The following CHRM5 variants were observed in gnomAD, a reference collection of about 807,000 sequenced individuals.
CHRM5 encodes the protein cholinergic receptor muscarinic 5.
Under a neutral mutation model 39.0 loss-of-function variants are expected in CHRM5, and 18 were observed. The observed-to-expected ratio is 0.46, with a 90% CI of 0.32 to 0.68. The LOEUF is 0.68. Ranked by LOEUF, CHRM5 falls within the 30% of genes least tolerant of loss-of-function variation. The pLI, the probability that CHRM5 is intolerant of heterozygous loss-of-function variation, is 0.04. For missense variants in CHRM5, 515 were observed against 651.1 expected (o/e 0.79, Z 2.28); for synonymous variants, 241 against 246.3 (o/e 0.98, Z 0.20).
chr15:34,064,418 C>T lies in CHRM5; in HGVS notation c.*102C>T. 2 of 1,361,008 alleles carry T rather than the reference C, an allele frequency of 1.5e-6. No individual in the cohort carries two copies. Among genetic ancestry groups the T allele is most frequent in the Non-Finnish European group, 2.0e-6 (2 of 1,018,676 alleles). The allele number at this position is 1,361,008 out of a possible 1,614,324, so 84.3% of individuals were successfully genotyped here. A position where few individuals can be genotyped will look rare whatever the true frequency, so the allele number is the denominator to read the frequency against. On this transcript the variant is annotated 3_prime_UTR_variant, in exon 3 of 3. Coordinates refer to ENST00000383263, the MANE Select transcript of CHRM5 (RefSeq NM_012125.4). ...GTATATTTTCAAAAAGAAGACATCT[C>T]ATTTTGAGTCCTTGAAGATTTTTGT...
intron 1 of CHRM5, among the ~76,000 whole-genome samples, chr15:33,988,438 T>G (rs1314173967): frequency 6.6e-6 from 1 of 152,190 alleles, no homozygotes; most frequent in Non-Finnish European, 1.5e-5. Flanking sequence ...ATAGAGATAA[T>G]GAAACCTACC....
At chr15:33,980,727 C>A (rs1266584598) in intron 1 of CHRM5, among the ~76,000 whole-genome samples, 2 of 152,124 alleles carry the variant, frequency 1.3e-5, no homozygotes, top group Admixed American at 6.6e-5. Flanking sequence ...CACGGAGAAC[C>A]CCAAATTACT....
intron 1 of CHRM5, among the ~76,000 whole-genome samples, chr15:33,979,279 T>C (rs1321345531): frequency 6.6e-6 from 1 of 152,114 alleles, no homozygotes; most frequent in Non-Finnish European, 1.5e-5. Context: ...CCCAGCACTT[T>C]GGGAGGCCAA....
intron 1 of CHRM5, among the ~76,000 whole-genome samples, chr15:34,025,855 C>G (rs1040998045): frequency 9.2e-5 from 14 of 152,096 alleles, no homozygotes; most frequent in African/African-American, 3.1e-4. Context: ...GATCATCTTG[C>G]CCCACAAAGC....
intron 1 of CHRM5, among the ~76,000 whole-genome samples, chr15:33,990,072 T>C (rs2140564546): frequency 6.6e-6 from 1 of 151,822 alleles, no homozygotes; most frequent in African/African-American, 2.4e-5. Flanking sequence ...GGCGTGGTGG[T>C]GGGCGCCTAT....
At chr15:34,008,242 A>G (rs1897450890) in intron 1 of CHRM5, among the ~76,000 whole-genome samples, 1 of 151,842 alleles carries the variant, frequency 6.6e-6, no homozygotes, top group Non-Finnish European at 1.5e-5. Context: ...GCAACATAGC[A>G]AGACCCTATC....
At chr15:34,035,961 G>A (rs1254978042) in intron 1 of CHRM5, among the ~76,000 whole-genome samples, 1 of 151,984 alleles carries the variant, frequency 6.6e-6, no homozygotes, top group Non-Finnish European at 1.5e-5. Flanking sequence ...ATGCTCGGCA[G>A]TTTTGTATTT....
At chr15:34,008,937 C>G (rs1244248808) in intron 1 of CHRM5, among the ~76,000 whole-genome samples, 1 of 94,540 alleles carries the variant, frequency 1.1e-5, no homozygotes, top group Non-Finnish European at 2.3e-5. Flanking sequence ...AAAACACACA[C>G]TCACACGTGC....
chr15:34,031,589 G>A (rs1478435969), intron 1 of CHRM5, among the ~76,000 whole-genome samples: 1 of 152,146 alleles, frequency 6.6e-6, no homozygotes, highest in Non-Finnish European at 1.5e-5. Context: ...GGACTCAAAG[G>A]TAGAATTAAG....
chr15:34,057,898 T>C (rs761950562), intron 2 of CHRM5, among the ~76,000 whole-genome samples: 15 of 152,256 alleles, frequency 9.9e-5, no homozygotes, highest in Non-Finnish European at 1.9e-4. Context: ...ATGTTACCAC[T>C]GTAAATTATT....
At chr15:33,983,210 A>ATATG (rs1466370825) in intron 1 of CHRM5, among the ~76,000 whole-genome samples, 6 of 20,862 alleles carry the variant, frequency 2.9e-4, no homozygotes, top group East Asian at 1.6e-3. Context: ...GTATATATAT[A>ATATG]TATACATATA....
chr15:34,035,610 CATCTT>C (rs1414839547), intron 1 of CHRM5, among the ~76,000 whole-genome samples: 3 of 152,112 alleles, frequency 2.0e-5, no homozygotes, highest in Non-Finnish European at 4.4e-5. Context: ...TCAGCTGTCT[CATCTT>C]ATATTAAGTA....
chr15:34,038,716 G>A, intron 1 of CHRM5: 1 of 1,120,410 alleles, frequency 8.9e-7, no homozygotes, highest in Non-Finnish European at 1.1e-6. Context: ...CTCTTGACTG[G>A]CGGCCTCGGC....
In CHRM5 at chr15:34,041,842, A is replaced by T. The variant is rs1000607845; in HGVS notation, c.-407-4698A>T. On this transcript the variant is annotated intron_variant, in intron 1 of 2. Coordinates refer to ENST00000383263, the MANE Select transcript of CHRM5 (RefSeq NM_012125.4). ...TTTGCTCAAGCTAGTAAGTAACAGA[A>T]CTGGGATTTATACCAGTACAGTCTA... 3.9e-5 allele frequency among the ~76,000 whole-genome samples: 6 copies of T among 152,228 alleles called. No homozygotes were observed. In the East Asian group the frequency reaches 1.2e-3, roughly 29 times the overall value.
intron 1 of CHRM5, among the ~76,000 whole-genome samples, chr15:33,980,081 G>C (rs1242623563): frequency 6.6e-6 from 1 of 152,208 alleles, no homozygotes; most frequent in Non-Finnish European, 1.5e-5. Context: ...TTGAATCCAT[G>C]ATATTGTTTA....
chr15:34,016,893 C>T (rs961269197), intron 1 of CHRM5, among the ~76,000 whole-genome samples: 1 of 152,126 alleles, frequency 6.6e-6, no homozygotes, highest in African/African-American at 2.4e-5. Context: ...CTTTGGGAGG[C>T]CAAGGTGGGT....
At chr15:34,044,621 A>G (rs371335715) in intron 1 of CHRM5, among the ~76,000 whole-genome samples, 5 of 152,312 alleles carry the variant, frequency 3.3e-5, no homozygotes, top group African/African-American at 1.2e-4. Flanking sequence ...ATAACAAGAC[A>G]ATACTGCTCC....
chr15:33,984,437 T>C (rs936843329), intron 1 of CHRM5, among the ~76,000 whole-genome samples: 6 of 151,982 alleles, frequency 3.9e-5, no homozygotes, highest in African/African-American at 1.4e-4. Context: ...AGTTTCACTC[T>C]TGTTGCTCAG....
chr15:33,997,171 A>G (rs1198948282), intron 1 of CHRM5, among the ~76,000 whole-genome samples: 5 of 152,236 alleles, frequency 3.3e-5, no homozygotes, highest in African/African-American at 1.2e-4. Context: ...AAAACAGCAT[A>G]AACAGTAGGA....
Sources: gnomAD v4.1 joint callset for allele counts (sites outside exome capture counted in the v4.1 genomes callset) on GRCh38, gnomAD v4.1.1 for gene constraint, MANE v1.5 for transcripts, NCBI Gene and HGNC (gene_info 2026-07-23, HGNC 2026-07-21) for gene names.